Variants in DLGAP2 observed in about 807,000 individuals in gnomAD.
DLGAP2 encodes disks large-associated protein 2.
DLGAP2 carries 26 observed loss-of-function variants against 100.3 expected under a neutral mutation model. That is an observed-to-expected ratio of 0.26 (90% CI 0.19 to 0.36). The LOEUF (loss-of-function observed/expected upper bound fraction) is 0.36. Among genes scored for constraint, DLGAP2 ranks in the 10% least tolerant of loss-of-function variants. The pLI, the probability that DLGAP2 is intolerant of heterozygous loss-of-function variation, is 1.00. For missense variants in DLGAP2, 1,858 were observed against 1,453.2 expected, an observed-to-expected ratio of 1.28 and a Z score of -4.53; for synonymous variants, 886 against 630.1, an observed-to-expected ratio of 1.41 and a Z score of -6.08.
chr8:1,356,567 C>T (rs1983529), intron 3 of DLGAP2, among the ~76,000 whole-genome samples: 112,747 of 151,966 alleles, frequency 0.74, 42,218 homozygotes, highest in East Asian at 0.92. Flanking sequence ...GTGAGAGTTA[C>T]CCTGTGGCCC....
At chr8:1,679,655 C>A (rs2130857192) in intron 12 of DLGAP2, among the ~76,000 whole-genome samples, 1 of 152,344 alleles carries the variant, frequency 6.6e-6, no homozygotes, top group South Asian at 2.1e-4. Flanking sequence ...TTATTCTCCG[C>A]CTTTCTCCCA....
At chr8:1,156,246 G>C (rs1014605901) in intron 2 of DLGAP2, among the ~76,000 whole-genome samples, 6 of 152,102 alleles carry the variant, frequency 3.9e-5, no homozygotes, top group African/African-American at 7.2e-5. Context: ...CCCAGGACCC[G>C]GGTAGGTCTC....
intron 2 of DLGAP2, among the ~76,000 whole-genome samples, chr8:1,232,882 A>G (rs1267815018): frequency 6.6e-6 from 1 of 152,226 alleles, no homozygotes; most frequent in Non-Finnish European, 1.5e-5. Flanking sequence ...AGCCATCGCC[A>G]TAATCTAATT....
chr8:972,354 C>G (rs1800034308), intron 2 of DLGAP2, among the ~76,000 whole-genome samples: 1 of 152,136 alleles, frequency 6.6e-6, no homozygotes, highest in African/African-American at 2.4e-5. Flanking sequence ...CTGAAATTAT[C>G]AACAGATAGT....
intron 1 of DLGAP2, among the ~76,000 whole-genome samples, chr8:883,720 G>T (rs1380665317): frequency 1.3e-5 from 2 of 152,036 alleles, no homozygotes; most frequent in East Asian, 3.9e-4. Flanking sequence ...GCGGCCGTTC[G>T]TTACGTAGGA....
At chr8:1,464,308 T>G (rs1210777691) in intron 3 of DLGAP2, among the ~76,000 whole-genome samples, 1 of 113,824 alleles carries the variant, frequency 8.8e-6, no homozygotes, top group Non-Finnish European at 1.9e-5. Context: ...ATGGCACCCT[T>G]CCAGGACAAC....
intron 3 of DLGAP2, among the ~76,000 whole-genome samples, chr8:1,302,828 G>A (rs1029908885): frequency 2.0e-5 from 3 of 152,276 alleles, no homozygotes; most frequent in African/African-American, 4.8e-5. Flanking sequence ...GCCCACGCCT[G>A]ACGGCGCCGC....
At chr8:1,095,633 G>A (rs2129042456) in intron 2 of DLGAP2, among the ~76,000 whole-genome samples, 1 of 152,310 alleles carries the variant, frequency 6.6e-6, no homozygotes, top group East Asian at 1.9e-4. Flanking sequence ...GCACAGCCAG[G>A]ACACACAGTG....
intron 2 of DLGAP2, among the ~76,000 whole-genome samples, chr8:1,117,508 A>G (rs1440859169): frequency 3.3e-5 from 5 of 150,374 alleles, no homozygotes; most frequent in African/African-American, 1.2e-4. Flanking sequence ...GCTGTGTAGG[A>G]CAAGCCTGAA....
At chr8:1,432,928 G>A (rs1307049686) in intron 3 of DLGAP2, among the ~76,000 whole-genome samples, 2 of 152,198 alleles carry the variant, frequency 1.3e-5, no homozygotes, top group Non-Finnish European at 2.9e-5. Context: ...GAGCATCGAG[G>A]CGCGGAGTTG....
At chr8:860,491 C>A (rs903371611) in intron 1 of DLGAP2, among the ~76,000 whole-genome samples, 1 of 152,140 alleles carries the variant, frequency 6.6e-6, no homozygotes, top group Non-Finnish European at 1.5e-5. Context: ...CAAATGACTT[C>A]GCTGGGGCCG....
At chr8:843,223 T>C (rs938206788) in intron 1 of DLGAP2, among the ~76,000 whole-genome samples, 1 of 152,250 alleles carries the variant, frequency 6.6e-6, no homozygotes, top group African/African-American at 2.4e-5. Flanking sequence ...CTCTCCCTTC[T>C]GTCGTTTTCA....
Position 1,438,260 on chromosome 8 carries a change from G to A in DLGAP2, c.107-63106G>A, listed in dbSNP as rs77366144. Among the ~76,000 whole-genome samples, 351 of 152,198 alleles carry A rather than the reference G, an allele frequency of 2.3e-3. 2 individuals are homozygous for A. The highest frequency in any genetic ancestry group is 8.1e-3 in the African/African-American group (336 of 41,522). ...GACTTTGAAGTCTTTCCCCATCCCA[G>A]TTTCCTCCCCCAACCATGTCATGGA... On this transcript the variant is annotated intron_variant, in intron 3 of 14. Coordinates refer to ENST00000637795, the MANE Select transcript of DLGAP2 (RefSeq NM_001346810.2).
intron 4 of DLGAP2, among the ~76,000 whole-genome samples, chr8:1,508,323 A>C (rs1261857409): frequency 3.2e-4 from 3 of 9,320 alleles, no homozygotes; most frequent in African/African-American, 6.4e-4. Context: ...ACCACCCCCC[A>C]CCCCTCACCA....
intron 1 of DLGAP2, among the ~76,000 whole-genome samples, chr8:839,076 A>G (rs952658468): frequency 5.3e-5 from 8 of 152,224 alleles, no homozygotes; most frequent in African/African-American, 1.7e-4. Flanking sequence ...ACTGAAAACC[A>G]AAAGAAAACA....
At chr8:1,202,286 T>C (rs966160789) in intron 2 of DLGAP2, among the ~76,000 whole-genome samples, 3 of 119,046 alleles carry the variant, frequency 2.5e-5, no homozygotes, top group Non-Finnish European at 5.0e-5. Flanking sequence ...GTGGTGCATG[T>C]ATGTAGTATA....
intron 5 of DLGAP2, among the ~76,000 whole-genome samples, chr8:1,550,324 A>G (rs1241747450): frequency 6.6e-6 from 1 of 152,062 alleles, no homozygotes; most frequent in African/African-American, 2.4e-5. Flanking sequence ...GGATGGCGGG[A>G]CGTTATCTAC....
At chr8:832,057 T>C (rs1796794470) in intron 1 of DLGAP2, among the ~76,000 whole-genome samples, 1 of 152,108 alleles carries the variant, frequency 6.6e-6, no homozygotes, top group African/African-American at 2.4e-5. Context: ...TTTGATGGGG[T>C]TGTTTGTTTT....
At chr8:1,494,758 A>T (rs1473503825) in intron 3 of DLGAP2, among the ~76,000 whole-genome samples, 1 of 151,912 alleles carries the variant, frequency 6.6e-6, no homozygotes, top group African/African-American at 2.4e-5. Flanking sequence ...AAAAGAAACG[A>T]GGTGCCACTC....
Sources: allele counts gnomAD v4.1 joint callset (sites outside exome capture counted in the v4.1 genomes callset), GRCh38; gene constraint gnomAD v4.1.1; transcripts MANE v1.5; gene names NCBI Gene and HGNC (gene_info 2026-07-23, HGNC 2026-07-21).